GRIK2: variants seen among roughly 807,000 people sequenced by gnomAD.
The protein encoded by GRIK2 is glutamate ionotropic receptor kainate type subunit 2, also known as glutamate receptor ionotropic, kainate 2.
GRIK2 carries 32 observed loss-of-function variants against 100.3 expected under a neutral mutation model. The ratio of observed to expected loss-of-function variants is 0.32; its 90% confidence interval spans 0.24 to 0.43. GRIK2 has a LOEUF of 0.43. Ranked by LOEUF, GRIK2 falls within the 20% of genes least tolerant of loss-of-function variation. The pLI is 1.00. For synonymous variants in GRIK2, 417 were observed against 389.4 expected (o/e 1.07, Z -0.83); for missense variants, 843 against 1,114.9 (o/e 0.76, Z 3.47).
At chr6:101,809,464 C>T (rs1781198204) in intron 9 of GRIK2, among the ~76,000 whole-genome samples, 1 of 151,988 alleles carries the variant, frequency 6.6e-6, no homozygotes, top group South Asian at 2.1e-4. Context: ...ATTTTCTGAA[C>T]TTATCTAAAT....
intron 2 of GRIK2, among the ~76,000 whole-genome samples, chr6:101,445,935 C>G (rs1343174000): frequency 6.6e-6 from 1 of 152,040 alleles, no homozygotes; most frequent in Non-Finnish European, 1.5e-5. Flanking sequence ...AGTTTTACAT[C>G]TATAAGGCCC....
In GRIK2 at chr6:102,068,748, T is replaced by A; in HGVS notation, c.*237T>A. 1 of 350,110 alleles carries A rather than the reference T, an allele frequency of 2.9e-6. No individual in the cohort carries two copies. The highest frequency in any genetic ancestry group is 5.2e-6 in the Non-Finnish European group (1 of 191,900). The allele number at this position is 350,110 out of a possible 1,614,324, so 21.7% of individuals were successfully genotyped here. On this transcript the variant is annotated 3_prime_UTR_variant, in exon 17 of 17. Coordinates refer to ENST00000369134, the MANE Select transcript of GRIK2 (RefSeq NM_021956.5). ...CACTGTTAATCATGGGTTCCTCCCT[T>A]CTTCTGAGTGAATGTTAACATGCGC...
intron 7 of GRIK2, among the ~76,000 whole-genome samples, chr6:101,765,909 A>G (rs752079471): frequency 6.6e-6 from 1 of 152,156 alleles, no homozygotes; most frequent in Non-Finnish European, 1.5e-5. Context: ...CAAAAAAGCT[A>G]TGAGTCATTT....
intron 14 of GRIK2, among the ~76,000 whole-genome samples, chr6:101,944,461 A>G (rs555590472): frequency 6.6e-6 from 1 of 152,302 alleles, no homozygotes; most frequent in South Asian, 2.1e-4. Context: ...TATTGAAAGA[A>G]ATAGAAGATA....
rs74915126 is a variant in GRIK2 at position 101,908,029 on chromosome 6, T to A, written c.1749-16572T>A. ...TTTCTGAATTTCCCCTTTCTTTCTCTTCCTACTGTTTCAGTAGTTACTGAT... is the reference window on the plus strand; with the variant it reads ...TTTCTGAATTTCCCCTTTCTTTCTCATCCTACTGTTTCAGTAGTTACTGAT... On this transcript the variant is annotated intron_variant, in intron 12 of 16. Transcript: ENST00000369134. Among the ~76,000 whole-genome samples the A allele has an allele frequency of 2.8e-4, 43 of 151,742 alleles. No individual in the cohort carries two copies. In the East Asian group the frequency reaches 5.0e-3, roughly 18 times the overall value.
At chr6:101,718,249 C>T (rs1774205839) in intron 7 of GRIK2, among the ~76,000 whole-genome samples, 2 of 151,754 alleles carry the variant, frequency 1.3e-5, no homozygotes, top group South Asian at 4.1e-4. Flanking sequence ...TGGCTGTTTT[C>T]CAGGAGATTA....
chr6:101,874,938 CA>C (rs1785715392), intron 11 of GRIK2, among the ~76,000 whole-genome samples: 1 of 152,042 alleles, frequency 6.6e-6, no homozygotes, highest in Non-Finnish European at 1.5e-5. Flanking sequence ...GATTTTTGCA[CA>C]TTGATTTTGT....
intron 2 of GRIK2, among the ~76,000 whole-genome samples, chr6:101,463,564 C>T (rs182767507): frequency 1.5e-4 from 23 of 152,188 alleles, no homozygotes; most frequent in Admixed American, 1.4e-3. Context: ...AACATACTGC[C>T]TGGTCTTTTG....
chr6:101,857,562 T>C (rs527390005), intron 10 of GRIK2, among the ~76,000 whole-genome samples: 2 of 152,188 alleles, frequency 1.3e-5, no homozygotes, highest in East Asian at 3.9e-4. Context: ...TCTCCAGGGG[T>C]TGGGGAAGAG....
chr6:101,963,200 G>A (rs1055191575), intron 14 of GRIK2, among the ~76,000 whole-genome samples: 10 of 119,360 alleles, frequency 8.4e-5, no homozygotes, highest in Non-Finnish European at 1.3e-4. Context: ...TGTATTTTTT[G>A]TTATTTTCTT....
chr6:101,418,349 A>T (rs1776250662), intron 2 of GRIK2, among the ~76,000 whole-genome samples: 6 of 152,140 alleles, frequency 3.9e-5, no homozygotes, highest in Admixed American at 3.3e-4. Flanking sequence ...ATTTTTATTA[A>T]GTGCTCAGTG....
At chr6:101,984,990 C>A (rs994241158) in intron 14 of GRIK2, among the ~76,000 whole-genome samples, 5 of 151,588 alleles carry the variant, frequency 3.3e-5, no homozygotes, top group Non-Finnish European at 5.9e-5. Flanking sequence ...TCTGGTGGAA[C>A]CCCAGAGACT....
rs1794872693 is a variant in GRIK2, at chr6:102,000,310, A to T, written c.2086-35031A>T. On this transcript the variant is annotated intron_variant, in intron 14 of 16. Transcript: ENST00000369134. ...TTTTTTTTTGATACGGAGGGTACAC[A>T]TGCAGGTCTGTTACATGGAAATATT... 2.9e-5 allele frequency among the ~76,000 whole-genome samples: 4 copies of T among 139,940 alleles called. No individual in the cohort carries two copies. The South Asian group carries it at 6.6e-4, about 23-fold the overall frequency. The allele number at this position is 139,940 out of a possible 152,430, so 91.8% of individuals were successfully genotyped here. A position where few individuals can be genotyped will look rare whatever the true frequency, so the allele number is the denominator to read the frequency against.
intron 10 of GRIK2, among the ~76,000 whole-genome samples, chr6:101,858,541 T>C (rs753822248): frequency 5.2e-4 from 77 of 148,332 alleles, no homozygotes; most frequent in Non-Finnish European, 1.0e-3. Context: ...CGCCCGCCAC[T>C]ACGCCCAGCT....
chr6:102,056,409 G>A (rs1387258803), intron 16 of GRIK2, among the ~76,000 whole-genome samples: 3 of 151,872 alleles, frequency 2.0e-5, no homozygotes, highest in Non-Finnish European at 2.9e-5. Context: ...CTTTTTGTAT[G>A]CAAATTCATT....
At chr6:101,935,506 T>C (rs186723354) in intron 14 of GRIK2, among the ~76,000 whole-genome samples, 35 of 151,992 alleles carry the variant, frequency 2.3e-4, no homozygotes, top group African/African-American at 7.7e-4. Flanking sequence ...AGCATAAAGG[T>C]CCATATTTGA....
intron 10 of GRIK2, among the ~76,000 whole-genome samples, chr6:101,822,587 A>G (rs1782025618): frequency 6.6e-6 from 1 of 152,166 alleles, no homozygotes; most frequent in South Asian, 2.1e-4. Flanking sequence ...AATATGGTCC[A>G]CTACAAAAAA....
chr6:102,045,647 C>G (rs186410514), intron 15 of GRIK2, among the ~76,000 whole-genome samples: 287 of 151,976 alleles, frequency 1.9e-3, no homozygotes, highest in African/African-American at 6.8e-3. Flanking sequence ...TCTAATAATG[C>G]AAAGAACTTT....
intron 10 of GRIK2, among the ~76,000 whole-genome samples, chr6:101,840,372 C>T (rs950647415): frequency 6.6e-6 from 1 of 152,176 alleles, no homozygotes; most frequent in Admixed American, 6.5e-5. Flanking sequence ...GTCCTGATCT[C>T]TGTGTTTTCA....
Sources: allele counts gnomAD v4.1 joint callset (sites outside exome capture counted in the v4.1 genomes callset), GRCh38; gene constraint gnomAD v4.1.1; transcripts MANE v1.5; gene names NCBI Gene and HGNC (gene_info 2026-07-23, HGNC 2026-07-21).